ADD3: variants seen among roughly 807,000 people sequenced by gnomAD.
ADD3 encodes gamma-adducin.
A neutral mutation model predicts 80.2 loss-of-function variants in ADD3; 25 were observed. The ratio of observed to expected loss-of-function variants is 0.31; its 90% confidence interval spans 0.23 to 0.44. The LOEUF is 0.44. ADD3 is among the 20% of genes least tolerant of loss of function. The pLI is 1.00. For missense variants in ADD3, 829 were observed against 847.5 expected (o/e 0.98, Z 0.27); for synonymous variants, 284 against 289.6 (o/e 0.98, Z 0.20).
intron 1 of ADD3, among the ~76,000 whole-genome samples, chr10:110,022,949 A>T (rs1853852056): frequency 6.6e-6 from 1 of 152,168 alleles, no homozygotes; most frequent in Non-Finnish European, 1.5e-5. Flanking sequence ...AGTGAGGTTG[A>T]GAGGACCAGA....
At position 110,122,233 on chromosome 10, in the gene ADD3, C is replaced by G. The variant is rs759190548; in HGVS notation, c.1084C>G (p.Gln362Glu). ...GGGGVNMGSH[Q>E]KWKVGEIEFE... Reference sequence around the variant, plus strand: ...AGGAGGTGTGAATATGGGTTCCCATCAAAAATGGAAGGTTGGCGAAATTGA... The same window carrying G: ...AGGAGGTGTGAATATGGGTTCCCATGAAAAATGGAAGGTTGGCGAAATTGA... The change falls in exon 9 of 15, where the codon CAA becomes GAA. Residue 362 changes from glutamine to glutamate, a missense_variant. Coordinates refer to ENST00000356080, the MANE Select transcript of ADD3 (RefSeq NM_016824.5). The G allele has an allele frequency of 8.1e-6, 13 of 1,614,036 alleles. No homozygotes were observed. The highest frequency in any genetic ancestry group is 1.1e-5 in the Non-Finnish European group (13 of 1,179,970).
intron 9 of ADD3, 124 bp downstream of exon 9, chr10:110,122,416 T>G (rs1447915940): frequency 2.5e-6 from 2 of 796,022 alleles, no homozygotes; most frequent in Non-Finnish European, 4.0e-6. Flanking sequence ...AGGAAAGCAT[T>G]TCATTGTTAT....
At chr10:110,026,559 C>T (rs113684858) in intron 1 of ADD3, among the ~76,000 whole-genome samples, 3,762 of 152,166 alleles carry the variant, frequency 0.025, 99 homozygotes, top group South Asian at 0.13. Context: ...GGATTACAGA[C>T]GTGAGCCACC....
intron 12 of ADD3, among the ~76,000 whole-genome samples, chr10:110,128,450 C>T (rs1852470618): frequency 1.3e-5 from 2 of 151,994 alleles, no homozygotes; most frequent in Admixed American, 1.3e-4. Context: ...GAGTCTCGCA[C>T]TGTTGCCCAG....
intron 1 of ADD3, among the ~76,000 whole-genome samples, chr10:110,026,273 A>G (rs1010331970): frequency 2.1e-5 from 3 of 144,180 alleles, no homozygotes; most frequent in Admixed American, 2.0e-4. Context: ...TTATGACCCC[A>G]GTTTTCTTGT....
upstream of ADD3, among the ~76,000 whole-genome samples, chr10:110,001,204 C>T (rs562716204): frequency 2.6e-5 from 4 of 151,914 alleles, no homozygotes; most frequent in Admixed American, 6.6e-5. Context: ...CACTTGAGCC[C>T]GGTAGTTCAA....
At chr10:110,010,806 C>G (rs1852248678) in intron 1 of ADD3, among the ~76,000 whole-genome samples, 1 of 152,134 alleles carries the variant, frequency 6.6e-6, no homozygotes, top group Non-Finnish European at 1.5e-5. Context: ...AACCACTGCC[C>G]CTTGTTGCTA....
intron 10 of ADD3, among the ~76,000 whole-genome samples, chr10:110,124,952 A>G (rs1210473812): frequency 2.0e-5 from 3 of 152,254 alleles, no homozygotes; most frequent in Non-Finnish European, 4.4e-5. Context: ...CTAATCAGCT[A>G]TCGTTAGTGT....
intron 13 of ADD3, among the ~76,000 whole-genome samples, chr10:110,131,989 C>T (rs893519486): frequency 1.3e-5 from 2 of 152,128 alleles, no homozygotes; most frequent in African/African-American, 4.8e-5. Context: ...TTTCATCTGT[C>T]TGCGCAGTAT....
At chr10:110,043,954 A>G (rs1856643076) in intron 1 of ADD3, among the ~76,000 whole-genome samples, 1 of 152,196 alleles carries the variant, frequency 6.6e-6, no homozygotes, top group Non-Finnish European at 1.5e-5. Context: ...CACGCCTGTA[A>G]TCCCAGCACT....
intron 3 of ADD3, 70 bp from the exon 4 acceptor site, chr10:110,116,189 T>G (rs1166359942): frequency 2.0e-6 from 3 of 1,526,472 alleles, no homozygotes; most frequent in Non-Finnish European, 2.7e-6. Context: ...GCAGGCTACT[T>G]CCTGGCAACT....
rs139409006 is a variant in ADD3 at position 110,050,588 on chromosome 10, A to G, written c.-30+42289A>G. ...AGTACAGTGGCACAATCTCAGCTCA[A>G]TGCAACCTCTGCCTCCTGGGTTCAA... On this transcript the variant is annotated intron_variant, in intron 1 of 14. Transcript: ENST00000356080. Among the ~76,000 whole-genome samples, 243 of 150,514 alleles carry G rather than the reference A, an allele frequency of 1.6e-3. 2 individuals are homozygous for G. The highest frequency in any genetic ancestry group is 5.0e-3 in the African/African-American group (204 of 40,880).
At chr10:110,118,018 A>G (rs1433206372) in intron 5 of ADD3, among the ~76,000 whole-genome samples, 28 of 110,472 alleles carry the variant, frequency 2.5e-4, no homozygotes, top group East Asian at 5.1e-4. Context: ...TCTGTCTTCA[A>G]TACACACACA....
chr10:110,093,588 TCTC>T (rs1847812422), intron 1 of ADD3, among the ~76,000 whole-genome samples: 1 of 152,170 alleles, frequency 6.6e-6, no homozygotes, highest in Admixed American at 6.5e-5. Context: ...GCCAACGTAG[TCTC>T]CTTTTCAGAT....
intron 1 of ADD3, among the ~76,000 whole-genome samples, chr10:110,051,614 A>G (rs1175123372): frequency 1.3e-5 from 2 of 152,230 alleles, no homozygotes; most frequent in African/African-American, 4.8e-5. Flanking sequence ...AATAGAACAT[A>G]TTCTAGGGTA....
chr10:110,123,049 CAG>C (rs1334339334), intron 9 of ADD3, among the ~76,000 whole-genome samples: 1 of 152,148 alleles, frequency 6.6e-6, no homozygotes, highest in African/African-American at 2.4e-5. Context: ...TCACATTTGA[CAG>C]AATTTCTTTT....
At chr10:110,099,311 T>C (rs543630137) in intron 1 of ADD3, among the ~76,000 whole-genome samples, 1 of 152,126 alleles carries the variant, frequency 6.6e-6, no homozygotes, top group East Asian at 1.9e-4. Context: ...TAAAGAAATA[T>C]GTAATAAGCT....
intron 1 of ADD3, among the ~76,000 whole-genome samples, chr10:110,094,379 T>G (rs1010039145): frequency 2.6e-5 from 4 of 152,208 alleles, no homozygotes; most frequent in African/African-American, 9.6e-5. Flanking sequence ...TGAGTATAGT[T>G]TCCTCTCATC....
At chr10:110,039,225 C>CA (rs770630030) in intron 1 of ADD3, among the ~76,000 whole-genome samples, 1 of 147,438 alleles carries the variant, frequency 6.8e-6, no homozygotes, top group African/African-American at 2.7e-5. Flanking sequence ...TTGCCCCACT[C>CA]AGTCAGTCCG....
Sources: allele counts gnomAD v4.1 joint callset (sites outside exome capture counted in the v4.1 genomes callset), GRCh38; gene constraint gnomAD v4.1.1; transcripts MANE v1.5; gene names NCBI Gene and HGNC (gene_info 2026-07-23, HGNC 2026-07-21).